CCDC80: variants seen among roughly 807,000 people sequenced by gnomAD.
CCDC80 encodes coiled-coil domain containing 80, also known as coiled-coil domain-containing protein 80.
CCDC80 carries 49 observed loss-of-function variants against 78.7 expected under a neutral mutation model. The observed-to-expected ratio is 0.62, with a 90% CI of 0.50 to 0.79. CCDC80 has a LOEUF of 0.79. Ranked by LOEUF, CCDC80 falls within the 30% of genes least tolerant of loss-of-function variation. CCDC80 has a pLI of 0.00. For synonymous variants in CCDC80, 488 were observed against 447.0 expected (o/e 1.09, Z -1.16); for missense variants, 1,205 against 1,198.6 (o/e 1.01, Z -0.08).
Position 112,605,329 on chromosome 3 carries a change from G to A in CCDC80, c.*88C>T, listed in dbSNP as rs376345927. On this transcript the variant is annotated 3_prime_UTR_variant, in exon 8 of 8. Transcript: ENST00000206423. The stretch of plus-strand genomic sequence containing the variant: ...CTGAAAGAAAAAGGCAGGAAATGTA[G>A]TACGCAGTGTGGAAGAATGGAGCTG... 2.4e-6 allele frequency: 2 copies of A among 836,524 alleles called. No individual in the cohort carries two copies. The highest frequency in any genetic ancestry group is 3.8e-6 in the Non-Finnish European group (2 of 530,402). 51.8% of individuals were successfully genotyped at this position (836,524 alleles called of 1,614,324 possible).
At position 112,599,850 on chromosome 3, in the gene CCDC80, G is replaced by C. The variant is rs1311985674; in HGVS notation, c.*5567C>G. The C allele has an allele frequency of 6.6e-6, 1 of 152,216 alleles. No individual in the cohort carries two copies. Among genetic ancestry groups the C allele is most frequent in the Non-Finnish European group, 1.5e-5 (1 of 68,048 alleles). The allele number at this position is 152,216 out of a possible 1,614,324, so 9.4% of individuals were successfully genotyped here. A position where few individuals can be genotyped will look rare whatever the true frequency, so the allele number is the denominator to read the frequency against. On this transcript the variant is annotated 3_prime_UTR_variant, in exon 8 of 8. Transcript: ENST00000206423. ...CTCAGAGCCCTGGGAGATGTCTGATGAAAAGTAGTTTTTGAAGAGTCTTGT... is the reference window on the plus strand; with the variant it reads ...CTCAGAGCCCTGGGAGATGTCTGATCAAAAGTAGTTTTTGAAGAGTCTTGT...
At chr3:112,616,339 A>G (rs926537533) in intron 5 of CCDC80, among the ~76,000 whole-genome samples, 1 of 152,032 alleles carries the variant, frequency 6.6e-6, no homozygotes, top group Non-Finnish European at 1.5e-5. Context: ...AATATGTAAA[A>G]TAAAAATGCT....
intron 3 of CCDC80, among the ~76,000 whole-genome samples, chr3:112,628,889 GA>G (rs1483259151): frequency 2.0e-5 from 3 of 152,050 alleles, no homozygotes; most frequent in African/African-American, 7.2e-5. Flanking sequence ...ACTTTACCCT[GA>G]ATCAGCTCTA....
At position 112,605,177 on chromosome 3, in the gene CCDC80, C is replaced by T; in HGVS notation, c.*240G>A. The T allele has an allele frequency of 2.7e-6, 1 of 375,556 alleles. No individual in the cohort carries two copies. The highest frequency in any genetic ancestry group is 4.7e-6 in the Non-Finnish European group (1 of 212,588). 23.3% of individuals were successfully genotyped at this position (375,556 alleles called of 1,614,324 possible). A position where few individuals can be genotyped will look rare whatever the true frequency, so the allele number is the denominator to read the frequency against. ...AGGAAAATAATATCAATTTTCAGTA[C>T]TATTATTTAGCACTAGAGCCCCTCC... On this transcript the variant is annotated 3_prime_UTR_variant, in exon 8 of 8. Coordinates refer to ENST00000206423, the MANE Select transcript of CCDC80 (RefSeq NM_199511.3).
rs1163004969 is a variant in CCDC80 at position 112,600,613 on chromosome 3, C to T, written c.*4804G>A. 1 of 152,188 alleles carries T rather than the reference C, an allele frequency of 6.6e-6. No individual in the cohort carries two copies. Among genetic ancestry groups the T allele is most frequent in the African/African-American group, 2.4e-5 (1 of 41,426 alleles). 9.4% of individuals were successfully genotyped at this position (152,188 alleles called of 1,614,324 possible). On this transcript the variant is annotated 3_prime_UTR_variant, in exon 8 of 8. Coordinates refer to ENST00000206423, the MANE Select transcript of CCDC80 (RefSeq NM_199511.3). ...ACCTCCTAGGCTCAAGCGATTCTCT[C>T]ACTTCAGCCTCCTGAATAGCTGGGA...
In CCDC80 at chr3:112,601,006, T is replaced by C. The variant is rs1018452749; in HGVS notation, c.*4411A>G. Reference sequence around the variant, plus strand: ...CACCTCAGGCAGCTTGTACAGACTATCCAAGAAAAAATGAGGAGGAAAGTG... The same window carrying C: ...CACCTCAGGCAGCTTGTACAGACTACCCAAGAAAAAATGAGGAGGAAAGTG... On this transcript the variant is annotated 3_prime_UTR_variant, in exon 8 of 8. Transcript: ENST00000206423. The C allele has an allele frequency of 2.0e-5, 3 of 152,028 alleles. No homozygotes were observed. The highest frequency in any genetic ancestry group is 2.0e-4 in the Admixed American group (3 of 15,260). 9.4% of individuals were successfully genotyped at this position (152,028 alleles called of 1,614,324 possible).
intron 6 of CCDC80, 111 bp downstream of exon 6, chr3:112,609,867 C>T (rs1035279365): frequency 2.6e-5 from 20 of 763,492 alleles, no homozygotes; most frequent in African/African-American, 1.9e-4. Context: ...GAAACCTGAA[C>T]AGTCTGAACT....
At chr3:112,636,806 C>T (rs919862997) in intron 2 of CCDC80, among the ~76,000 whole-genome samples, 7 of 152,200 alleles carry the variant, frequency 4.6e-5, no homozygotes, top group African/African-American at 1.2e-4. Flanking sequence ...GATTCTCTCA[C>T]CCAGGCATCT....
chr3:112,624,099 T>C (rs1935918918), intron 3 of CCDC80, among the ~76,000 whole-genome samples: 1 of 152,150 alleles, frequency 6.6e-6, no homozygotes. Context: ...AAAAAGACAG[T>C]AATAAGGTAT....
rs538000519 is a variant in CCDC80, at chr3:112,619,034, C to T, written c.2106G>A (p.Arg702=). 6.2e-7 allele frequency: 1 copy of T among 1,611,896 alleles called. No individual in the cohort carries two copies. The highest frequency in any genetic ancestry group is 1.1e-5 in the South Asian group (1 of 90,468). The change falls in exon 4 of 8, where the codon AGG becomes AGA. Residue 702 remains arginine, a synonymous_variant. Transcript: ENST00000206423. ...CATTGTAGGTCATTCCGTACTCTTT[C>T]CTCAGCTCGCTGATGAGACGCTGGT... is the stretch of plus-strand genomic sequence containing the variant. ...LVDQRLISEL[R]KEYGMTYNDF...
intron 3 of CCDC80, among the ~76,000 whole-genome samples, chr3:112,627,190 A>G (rs1264490968): frequency 6.6e-6 from 1 of 152,146 alleles, no homozygotes. Context: ...TTCCTATCTG[A>G]CAAAATTTGT....
chr3:112,626,885 T>G (rs930322317), intron 3 of CCDC80, among the ~76,000 whole-genome samples: 5 of 152,184 alleles, frequency 3.3e-5, no homozygotes, highest in Non-Finnish European at 7.4e-5. Context: ...ATGAAGTCAT[T>G]AGATAGTAAG....
intron 7 of CCDC80, 54 bp from the exon 8 acceptor site, chr3:112,605,817 G>A: frequency 7.0e-7 from 1 of 1,434,972 alleles, no homozygotes; most frequent in Non-Finnish European, 9.6e-7. Flanking sequence ...CAGAGCCCAT[G>A]AAAACATTAA....
At position 112,639,680 on chromosome 3, in the gene CCDC80, T is replaced by C. The variant is rs778419881; in HGVS notation, c.226A>G (p.Arg76Gly). 1 of 1,614,156 alleles carries C rather than the reference T, an allele frequency of 6.2e-7. No individual in the cohort carries two copies. The highest frequency in any genetic ancestry group is 1.1e-5 in the South Asian group (1 of 91,086). The change falls in exon 2 of 8, where the codon AGA becomes GGA. Residue 76 changes from arginine to glycine, a missense_variant. Arg to Gly is a moderately radical substitution (Grantham distance 125). Coordinates refer to ENST00000206423, the MANE Select transcript of CCDC80 (RefSeq NM_199511.3). The stretch of plus-strand genomic sequence containing the variant: ...CTCAACACGGGCACACTCCTCCTTC[T>C]CTGGAGAGGCTGAAGGTTTGGTTCC... ...LEEPNLQPLQRRRSVPVLRLA... is the reference protein window; with the variant it reads ...LEEPNLQPLQGRRSVPVLRLA...
At chr3:112,623,094 A>T (rs9870432) in intron 3 of CCDC80, among the ~76,000 whole-genome samples, 1 of 151,870 alleles carries the variant, frequency 6.6e-6, no homozygotes, top group Non-Finnish European at 1.5e-5. Flanking sequence ...TATTGAGGTG[A>T]GGGATTCCCA....
chr3:112,625,165 A>G (rs1935940854), intron 3 of CCDC80, among the ~76,000 whole-genome samples: 1 of 152,080 alleles, frequency 6.6e-6, no homozygotes, highest in Non-Finnish European at 1.5e-5. Context: ...AATCATACTC[A>G]CAACATGAGA....
At chr3:112,622,693 T>G (rs939653059) in intron 3 of CCDC80, among the ~76,000 whole-genome samples, 1 of 152,134 alleles carries the variant, frequency 6.6e-6, no homozygotes, top group African/African-American at 2.4e-5. Flanking sequence ...TCTTGCTCTG[T>G]CACCCAGGCA....
At chr3:112,616,574 A>C in intron 5 of CCDC80, 136 bp downstream of exon 5, 3 of 941,242 alleles carry the variant, frequency 3.2e-6, no homozygotes, top group Non-Finnish European at 4.9e-6. Flanking sequence ...CTCAGTGGCC[A>C]GAGATGGGTA....
At chr3:112,624,999 T>A (rs1376849967) in intron 3 of CCDC80, among the ~76,000 whole-genome samples, 1 of 152,172 alleles carries the variant, frequency 6.6e-6, no homozygotes, top group East Asian at 1.9e-4. Flanking sequence ...TGAGTCATTA[T>A]CTTGGAGTAG....
Sources: allele counts gnomAD v4.1 joint callset (sites outside exome capture counted in the v4.1 genomes callset), GRCh38; gene constraint gnomAD v4.1.1; transcripts MANE v1.5; gene names NCBI Gene and HGNC (gene_info 2026-07-23, HGNC 2026-07-21).